The following ATP2B2 variants were observed in gnomAD, a reference collection of about 807,000 sequenced individuals.
The protein encoded by ATP2B2 is plasma membrane calcium-transporting ATPase 2.
A neutral mutation model predicts 120.0 loss-of-function variants in ATP2B2; 15 were observed. The observed-to-expected ratio is 0.12, with a 90% CI of 0.08 to 0.19. The LOEUF (loss-of-function observed/expected upper bound fraction) is 0.19, where lower values mean the gene tolerates loss of function less well. Among genes scored for constraint, ATP2B2 ranks in the 10% least tolerant of loss-of-function variants. ATP2B2 has a pLI of 1.00. For synonymous variants in ATP2B2, 694 were observed against 700.3 expected, an observed-to-expected ratio of 0.99 and a Z score of 0.14; for missense variants, 1,045 against 1,719.8, an observed-to-expected ratio of 0.61 and a Z score of 6.94.
intron 11 of ATP2B2, among the ~76,000 whole-genome samples, chr3:10,373,565 AAGT>A (rs923867495): frequency 1.3e-5 from 2 of 152,208 alleles, no homozygotes; most frequent in African/African-American, 4.8e-5. Flanking sequence ...AAAAATGTAA[AAGT>A]AGTAGTTCAT....
rs546941309 is a variant in ATP2B2 at position 10,370,124 on chromosome 3, A to G, written c.1659+1685T>C. Reference sequence around the variant, plus strand: ...CTCAATCCACCAACATCTGGAAATGACATTTCAGCTTTGCCTCCGGTGCTA... The same window carrying G: ...CTCAATCCACCAACATCTGGAAATGGCATTTCAGCTTTGCCTCCGGTGCTA... On this transcript the variant is annotated intron_variant, in intron 12 of 22. Transcript: ENST00000360273. Among the ~76,000 whole-genome samples, 11 of 152,356 alleles carry G rather than the reference A, an allele frequency of 7.2e-5. 1 individual carries two copies. The highest frequency in any genetic ancestry group is 6.8e-3 in the Middle Eastern group (2 of 294).
chr3:10,410,429 G>C (rs1200727766), intron 3 of ATP2B2, among the ~76,000 whole-genome samples, 189 bp downstream of exon 3: 2 of 152,266 alleles, frequency 1.3e-5, no homozygotes, highest in Non-Finnish European at 2.9e-5. Context: ...ATTTCACACA[G>C]GGAAAACGGG....
At chr3:10,500,576 G>T (rs2066343383) in intron 1 of ATP2B2, among the ~76,000 whole-genome samples, 1 of 151,922 alleles carries the variant, frequency 6.6e-6, no homozygotes, top group Admixed American at 6.6e-5. Flanking sequence ...AAGGAGTGAG[G>T]TGAAGATGAA....
chr3:10,370,828 T>C (rs975584892), intron 12 of ATP2B2, among the ~76,000 whole-genome samples: 3 of 152,142 alleles, frequency 2.0e-5, no homozygotes, highest in African/African-American at 7.2e-5. Flanking sequence ...GGCAGAAACG[T>C]TCTACATCTG....
At chr3:10,407,242 T>G (rs1432772366) in intron 3 of ATP2B2, among the ~76,000 whole-genome samples, 1 of 152,178 alleles carries the variant, frequency 6.6e-6, no homozygotes, top group African/African-American at 2.4e-5. Context: ...GCTGAGGATG[T>G]CCATTCCAAG....
chr3:10,431,157 G>T (rs1029023170), intron 2 of ATP2B2, among the ~76,000 whole-genome samples: 1 of 152,166 alleles, frequency 6.6e-6, no homozygotes, highest in African/African-American at 2.4e-5. Context: ...GGGTAAAGAT[G>T]CTGTGAACAT....
chr3:10,694,360 G>A (rs1047452311), intron 1 of ATP2B2, among the ~76,000 whole-genome samples: 2 of 152,126 alleles, frequency 1.3e-5, no homozygotes, highest in African/African-American at 4.8e-5. Context: ...CCAGCAGACT[G>A]TTCTCATCTC....
intron 2 of ATP2B2, among the ~76,000 whole-genome samples, chr3:10,563,443 T>A (rs555696702): frequency 6.6e-6 from 1 of 152,338 alleles, no homozygotes; most frequent in East Asian, 1.9e-4. Context: ...GTAAACAGGA[T>A]GTTATGTGGC....
At chr3:10,478,107 T>C (rs1368876353) in intron 1 of ATP2B2, among the ~76,000 whole-genome samples, 1 of 152,246 alleles carries the variant, frequency 6.6e-6, no homozygotes, top group East Asian at 1.9e-4. Context: ...CCCTGTGATT[T>C]ACATTTCTCT....
chr3:10,516,818 T>C (rs755397645), intron 3 of ATP2B2, among the ~76,000 whole-genome samples: 128 of 152,096 alleles, frequency 8.4e-4, no homozygotes, highest in Non-Finnish European at 3.2e-4. Context: ...ATCTGCAAAA[T>C]GGAGATGATG....
intron 1 of ATP2B2, among the ~76,000 whole-genome samples, chr3:10,488,463 ATTCC>A (rs1257729803): frequency 0.18 from 16,953 of 95,706 alleles, 1,665 homozygotes; most frequent in Non-Finnish European, 0.24. Context: ...CACCCTACAA[ATTCC>A]TTCCTTCCTT....
intron 2 of ATP2B2, among the ~76,000 whole-genome samples, chr3:10,535,897 G>A (rs1220180385): frequency 6.6e-6 from 1 of 152,018 alleles, no homozygotes; most frequent in Non-Finnish European, 1.5e-5. Flanking sequence ...TGGGTTGTAT[G>A]GCAGTTGATT....
At chr3:10,585,272 G>T (rs111280958) in intron 2 of ATP2B2, among the ~76,000 whole-genome samples, 3,749 of 152,014 alleles carry the variant, frequency 0.025, 110 homozygotes, top group African/African-American at 0.06. Flanking sequence ...GAGGCTGGAG[G>T]ATCACGAGGT....
intron 2 of ATP2B2, among the ~76,000 whole-genome samples, chr3:10,417,208 C>T (rs561847710): frequency 4.7e-5 from 7 of 150,348 alleles, no homozygotes; most frequent in East Asian, 3.9e-4. Context: ...TGGGCAGAGG[C>T]GCTTCTAATT....
chr3:10,529,768 G>A (rs2067172341), intron 3 of ATP2B2, among the ~76,000 whole-genome samples: 1 of 152,194 alleles, frequency 6.6e-6, no homozygotes, highest in Admixed American at 6.5e-5. Flanking sequence ...AGGTGATCAA[G>A]TTAAAATGAG....
intron 1 of ATP2B2, among the ~76,000 whole-genome samples, chr3:10,659,573 A>T (rs2070726770): frequency 6.6e-6 from 1 of 151,932 alleles, no homozygotes; most frequent in African/African-American, 2.4e-5. Flanking sequence ...CACCCAATAC[A>T]GGAGCACCCA....
At chr3:10,474,426 A>G (rs1038658421) in intron 1 of ATP2B2, among the ~76,000 whole-genome samples, 6 of 152,200 alleles carry the variant, frequency 3.9e-5, no homozygotes, top group African/African-American at 7.2e-5. Context: ...GATGGTATTT[A>G]AAGCCATGGG....
intron 1 of ATP2B2, among the ~76,000 whole-genome samples, chr3:10,495,337 T>A (rs59541030): frequency 0.029 from 4,407 of 152,212 alleles, 103 homozygotes; most frequent in Middle Eastern, 0.071. Context: ...CCGGCCTCAG[T>A]CTCCTCTTAG....
chr3:10,648,767 C>A (rs544831485), intron 1 of ATP2B2, among the ~76,000 whole-genome samples: 5 of 152,200 alleles, frequency 3.3e-5, no homozygotes, highest in African/African-American at 1.2e-4. Context: ...CTCCCAGCAC[C>A]AAATCCTACC....
Sources: allele counts gnomAD v4.1 joint callset (sites outside exome capture counted in the v4.1 genomes callset), GRCh38; gene constraint gnomAD v4.1.1; transcripts MANE v1.5; gene names NCBI Gene and HGNC (gene_info 2026-07-23, HGNC 2026-07-21).